ATP6V0A4: variants seen among roughly 807,000 people sequenced by gnomAD.
ATP6V0A4 encodes V-type proton ATPase 116 kDa subunit a 4.
A neutral mutation model predicts 107.3 loss-of-function variants in ATP6V0A4; 86 were observed. That is an observed-to-expected ratio of 0.80 (90% CI 0.67 to 0.96). The LOEUF (loss-of-function observed/expected upper bound fraction) is 0.96. Among genes scored for constraint, ATP6V0A4 ranks in the 40% least tolerant of loss-of-function variants. ATP6V0A4 has a pLI of 0.00. For missense variants in ATP6V0A4, 908 were observed against 1,045.6 expected, an observed-to-expected ratio of 0.87 and a Z score of 1.81; for synonymous variants, 353 against 381.4, an observed-to-expected ratio of 0.93 and a Z score of 0.87.
intron 17 of ATP6V0A4, among the ~76,000 whole-genome samples, chr7:138,729,856 A>ATT (rs1804900070): frequency 6.6e-6 from 1 of 152,224 alleles, no homozygotes; most frequent in Non-Finnish European, 1.5e-5. Flanking sequence ...AATAGAGTGA[A>ATT]CACTTTATCG....
intron 15 of ATP6V0A4, among the ~76,000 whole-genome samples, chr7:138,739,020 G>A (rs555749841): frequency 1.5e-4 from 23 of 152,138 alleles, no homozygotes; most frequent in African/African-American, 4.3e-4. Flanking sequence ...AGGAAGTATC[G>A]TTTTGCTTAG....
At chr7:138,750,552 C>T (rs1391369757) in intron 11 of ATP6V0A4, among the ~76,000 whole-genome samples, 2 of 152,204 alleles carry the variant, frequency 1.3e-5, no homozygotes, top group Non-Finnish European at 2.9e-5. Context: ...GTCCAGGAAC[C>T]GTACAGCCAC....
At chr7:138,794,967 G>A (rs1338650830) in intron 1 of ATP6V0A4, among the ~76,000 whole-genome samples, 10 of 150,820 alleles carry the variant, frequency 6.6e-5, no homozygotes, top group Non-Finnish European at 1.0e-4. Flanking sequence ...GCACAATCAC[G>A]GTTCACTATA....
intron 3 of ATP6V0A4, 66 bp from the exon 4 acceptor site, chr7:138,769,317 T>C: frequency 2.0e-6 from 3 of 1,519,022 alleles, no homozygotes; most frequent in South Asian, 1.2e-5. Flanking sequence ...TCTTTCTTTT[T>C]TTTTTTTTTT....
At chr7:138,716,166 A>G (rs1239000123) in intron 19 of ATP6V0A4, among the ~76,000 whole-genome samples, 3 of 152,202 alleles carry the variant, frequency 2.0e-5, no homozygotes, top group Admixed American at 2.0e-4. Context: ...CTGGGTAGGA[A>G]TGTGACTTGA....
chr7:138,770,997 C>T, intron 3 of ATP6V0A4, 134 bp downstream of exon 3: 1 of 981,532 alleles, frequency 1.0e-6, no homozygotes, highest in African/African-American at 1.6e-5. Flanking sequence ...ACTAAAACTA[C>T]AGAATTTCAT....
intron 17 of ATP6V0A4, among the ~76,000 whole-genome samples, chr7:138,731,154 C>T (rs1332332937): frequency 6.6e-6 from 1 of 152,104 alleles, no homozygotes. Flanking sequence ...AGGCTGGTCT[C>T]GAACTCCTGA....
Position 138,768,800 on chromosome 7 carries a change from G to T in ATP6V0A4, c.271C>A (p.Arg91=). ...CTTACCTCCAGGGTAATCATTTCCC[G>T]TGGGAGCGGGGTCAGTGGGCTTTTC... The part of the protein sequence containing the change: ...LEKSPLTPLP[R]EMITLETVLE... The change falls in exon 5 of 22, where the codon CGG becomes AGG. Residue 91 remains arginine (R), a synonymous_variant. Transcript: ENST00000310018. The T allele has an allele frequency of 2.5e-6, 4 of 1,614,164 alleles. No homozygotes were observed. Among genetic ancestry groups the T allele is most frequent in the Non-Finnish European group, 3.4e-6 (4 of 1,180,016 alleles).
At chr7:138,761,088 T>C (rs1044067573) in intron 7 of ATP6V0A4, among the ~76,000 whole-genome samples, 24 of 152,082 alleles carry the variant, frequency 1.6e-4, no homozygotes, top group East Asian at 5.8e-4. Flanking sequence ...GCTGGGATTA[T>C]AGGCATAAGC....
intron 18 of ATP6V0A4, among the ~76,000 whole-genome samples, chr7:138,724,445 C>T (rs1353355013): frequency 6.6e-6 from 1 of 152,160 alleles, no homozygotes; most frequent in East Asian, 1.9e-4. Context: ...GACAGCTGCC[C>T]CTTGGCCACC....
chr7:138,709,805 A>G lies in ATP6V0A4; in HGVS notation c.2258-10T>C. ...AGCACTTCAGACAGTTCTGCAAGGT[A>G]CGAGAAACCACTGGGATTATCTTGT... is the stretch of plus-strand genomic sequence containing the variant. On this transcript the variant is annotated splice_polypyrimidine_tract_variant and intron_variant, in intron 20 of 21. Transcript: ENST00000310018. The G allele has an allele frequency of 6.2e-7, 1 of 1,613,546 alleles. No individual in the cohort carries two copies. The highest frequency in any genetic ancestry group is 8.5e-7 in the Non-Finnish European group (1 of 1,179,644).
At chr7:138,707,071 T>TGTGTGTGTGTGTGTGTGG (rs1455906877) in intron 21 of ATP6V0A4, among the ~76,000 whole-genome samples, 1 of 108,328 alleles carries the variant, frequency 9.2e-6, no homozygotes, top group Non-Finnish European at 1.8e-5. Context: ...AATTTATATG[T>TGTGTGTGTGTGTGTGTGG]GTGTGTGTGT....
At chr7:138,783,833 C>T (rs1354967881) in intron 2 of ATP6V0A4, among the ~76,000 whole-genome samples, 2 of 152,164 alleles carry the variant, frequency 1.3e-5, no homozygotes, top group Non-Finnish European at 1.5e-5. Context: ...CTAGAAGTTT[C>T]CTGTCTGAGC....
chr7:138,755,597 C>T, intron 10 of ATP6V0A4, 92 bp downstream of exon 10: 2 of 1,551,298 alleles, frequency 1.3e-6, no homozygotes, highest in East Asian at 2.3e-5. Flanking sequence ...AGCCTCCCAG[C>T]AAGGGCCCTG....
intron 16 of ATP6V0A4, 166 bp from the exon 17 acceptor site, chr7:138,733,259 T>C (rs1268519964): frequency 3.1e-6 from 2 of 649,188 alleles, no homozygotes; most frequent in South Asian, 7.2e-5. Flanking sequence ...CAATCCTGTA[T>C]GGATGCATAG....
chr7:138,784,254 A>ATATATATATACG, intron 2 of ATP6V0A4, among the ~76,000 whole-genome samples: 2 of 30,628 alleles, frequency 6.5e-5, no homozygotes, highest in African/African-American at 2.3e-4. Context: ...ATATATATAC[A>ATATATATATACG]TATATATATA....
chr7:138,757,899 T>C (rs1806589486), intron 8 of ATP6V0A4, among the ~76,000 whole-genome samples: 1 of 152,212 alleles, frequency 6.6e-6, no homozygotes. Context: ...GGCATTTCCT[T>C]ACGGGAGCAA....
rs150529529 is a variant in ATP6V0A4, at chr7:138,775,370, C to G, written c.-17-4106G>C. Among the ~76,000 whole-genome samples the G allele has an allele frequency of 1.8e-3, 275 of 152,170 alleles. 1 individual carries two copies. The highest frequency in any genetic ancestry group is 6.5e-3 in the African/African-American group (268 of 41,518). On this transcript the variant is annotated intron_variant, in intron 2 of 21. Transcript: ENST00000310018. The stretch of plus-strand genomic sequence containing the variant: ...TCTAAAAGATAAGGATTCTTTTATA[C>G]GCACATATACACACACAAACACACA...
chr7:138,761,261 G>A (rs1442192874), intron 7 of ATP6V0A4, among the ~76,000 whole-genome samples: 3 of 152,140 alleles, frequency 2.0e-5, no homozygotes, highest in Admixed American at 6.6e-5. Flanking sequence ...GAGCCTGAGA[G>A]GTCAAGGCTG....
Sources: gnomAD v4.1 joint callset for allele counts (sites outside exome capture counted in the v4.1 genomes callset) on GRCh38, gnomAD v4.1.1 for gene constraint, MANE v1.5 for transcripts, NCBI Gene and HGNC (gene_info 2026-07-23, HGNC 2026-07-21) for gene names.